HSD17B12: variants seen among roughly 807,000 people sequenced by gnomAD.
The protein encoded by HSD17B12 is very-long-chain 3-oxoacyl-CoA reductase.
Under a neutral mutation model 39.3 loss-of-function variants are expected in HSD17B12, and 32 were observed. The observed-to-expected ratio is 0.81, with a 90% CI of 0.61 to 1.09. The LOEUF is 1.09. HSD17B12 is among the 50% of genes least tolerant of loss of function. The probability of loss-of-function intolerance (pLI) is 0.00; values close to 1 mark genes in which losing one functional copy is unlikely to be tolerated. For synonymous variants in HSD17B12, 150 were observed against 146.7 expected, an observed-to-expected ratio of 1.02 and a Z score of -0.16; for missense variants, 342 against 382.9, an observed-to-expected ratio of 0.89 and a Z score of 0.89.
chr11:43,690,381 TATATATA>T (rs1565049621), intron 1 of HSD17B12, among the ~76,000 whole-genome samples: 187 of 13,794 alleles, frequency 0.014, 13 homozygotes, highest in South Asian at 0.034. Flanking sequence ...TATATATATA[TATATATA>T]TATATATATA....
the HSD17B12 span, among the ~76,000 whole-genome samples, chr11:43,581,000 G>A: frequency 2.6e-5 from 4 of 152,096 alleles, no homozygotes; most frequent in African/African-American, 9.7e-5. Flanking sequence ...GGGATTCGGG[G>A]GGAATCCGAA....
chr11:43,715,865 C>T (rs1273105116), intron 1 of HSD17B12, among the ~76,000 whole-genome samples: 1 of 151,898 alleles, frequency 6.6e-6, no homozygotes, highest in Non-Finnish European at 1.5e-5. Context: ...CTAGTGGCTA[C>T]CCTGTTGGAC....
chr11:43,783,560 G>C (rs191189175), intron 3 of HSD17B12, among the ~76,000 whole-genome samples: 1 of 151,864 alleles, frequency 6.6e-6, no homozygotes, highest in African/African-American at 2.4e-5. Context: ...CTATCCCTCT[G>C]CTTGCCACCC....
the HSD17B12 span, among the ~76,000 whole-genome samples, chr11:43,649,622 G>A: frequency 6.6e-6 from 1 of 152,192 alleles, no homozygotes. Context: ...TACCAAAGGT[G>A]GCCACAACTG....
At chr11:43,828,952 A>C (rs1204805516) in intron 6 of HSD17B12, among the ~76,000 whole-genome samples, 1 of 152,264 alleles carries the variant, frequency 6.6e-6, no homozygotes, top group East Asian at 1.9e-4. Context: ...AATTCAATTT[A>C]TTGTGACTTA....
intron 3 of HSD17B12, among the ~76,000 whole-genome samples, chr11:43,798,080 A>C (rs945597524): frequency 1.5e-4 from 23 of 152,340 alleles, no homozygotes; most frequent in African/African-American, 5.3e-4. Context: ...AGAACTGATT[A>C]AGGAACATTC....
At chr11:43,583,302 G>A in the HSD17B12 span, among the ~76,000 whole-genome samples, 18 of 152,232 alleles carry the variant, frequency 1.2e-4, no homozygotes, top group African/African-American at 4.3e-4. Flanking sequence ...AGGAGCAACG[G>A]CCGAACCCGG....
chr11:43,736,108 A>G (rs967905681), intron 1 of HSD17B12, among the ~76,000 whole-genome samples: 1 of 152,222 alleles, frequency 6.6e-6, no homozygotes, highest in African/African-American at 2.4e-5. Flanking sequence ...TTTAAAGAGG[A>G]TGTGGCATTA....
chr11:43,576,234 G>A, the HSD17B12 span, among the ~76,000 whole-genome samples: 2 of 152,180 alleles, frequency 1.3e-5, no homozygotes, highest in Non-Finnish European at 2.9e-5. Flanking sequence ...GTATTTTTCT[G>A]ATTTGAAAAA....
chr11:43,669,881 A>G, the HSD17B12 span, among the ~76,000 whole-genome samples: 1 of 152,148 alleles, frequency 6.6e-6, no homozygotes, highest in Non-Finnish European at 1.5e-5. Context: ...ACTTTAACAT[A>G]TCTTTTAGGG....
chr11:43,729,657 G>A (rs766503339), intron 1 of HSD17B12, among the ~76,000 whole-genome samples: 11 of 152,168 alleles, frequency 7.2e-5, no homozygotes, highest in African/African-American at 1.2e-4. Context: ...CTTGAAGGGA[G>A]GAAAGTATGC....
the HSD17B12 span, among the ~76,000 whole-genome samples, chr11:43,623,377 T>C: frequency 6.7e-6 from 1 of 148,372 alleles, no homozygotes; most frequent in African/African-American, 2.4e-5. Context: ...AAGCAAAGCA[T>C]TAAAGGTTTG....
At chr11:43,696,407 T>A (rs890722099) in intron 1 of HSD17B12, among the ~76,000 whole-genome samples, 1 of 152,082 alleles carries the variant, frequency 6.6e-6, no homozygotes, top group African/African-American at 2.4e-5. Flanking sequence ...CCAAGAAACA[T>A]ATGAAAAAAG....
At chr11:43,713,397 C>A (rs991061572) in intron 1 of HSD17B12, among the ~76,000 whole-genome samples, 2 of 151,118 alleles carry the variant, frequency 1.3e-5, no homozygotes, top group African/African-American at 4.9e-5. Flanking sequence ...TTTGTCTTTG[C>A]GATAGTTTGC....
chr11:43,571,712 A>T, the HSD17B12 span, among the ~76,000 whole-genome samples: 2 of 152,210 alleles, frequency 1.3e-5, no homozygotes, highest in African/African-American at 4.8e-5. Context: ...GCAACCAAAA[A>T]AAAAGGGGGA....
chr11:43,801,387 CT>C (rs1329481024), intron 4 of HSD17B12, among the ~76,000 whole-genome samples: 1 of 151,906 alleles, frequency 6.6e-6, no homozygotes, highest in Non-Finnish European at 1.5e-5. Context: ...CGAAGCAAGA[CT>C]TTGTAAGAGA....
intron 8 of HSD17B12, 35 bp from the exon 9 acceptor site, chr11:43,839,964 T>G: frequency 6.7e-7 from 1 of 1,498,832 alleles, no homozygotes; most frequent in Non-Finnish European, 9.3e-7. Flanking sequence ...TGATGTAATG[T>G]GTGTGTTTTC....
At chr11:43,786,180 G>A (rs907726709) in intron 3 of HSD17B12, among the ~76,000 whole-genome samples, 3 of 152,092 alleles carry the variant, frequency 2.0e-5, no homozygotes, top group Non-Finnish European at 4.4e-5. Context: ...GAAAAAAGGG[G>A]CTAATTCAAC....
In HSD17B12 at chr11:43,787,879, T is replaced by A. The variant is rs187691222; in HGVS notation, c.284-10441T>A. Among the ~76,000 whole-genome samples, 73 of 152,302 alleles carry A rather than the reference T, an allele frequency of 4.8e-4. 1 individual carries two copies. The highest frequency in any genetic ancestry group is 7.4e-4 in the Non-Finnish European group (50 of 68,024). ...AATCAACTGTTAAGCTTCTTTTTTCTAACTACCAAAGTGGGAGATCCAGAC... is the reference window on the plus strand; with the variant it reads ...AATCAACTGTTAAGCTTCTTTTTTCAAACTACCAAAGTGGGAGATCCAGAC... On this transcript the variant is annotated intron_variant, in intron 3 of 10. Transcript: ENST00000278353.
Sources: gnomAD v4.1 joint callset for allele counts (sites outside exome capture counted in the v4.1 genomes callset) on GRCh38, gnomAD v4.1.1 for gene constraint, MANE v1.5 for transcripts, NCBI Gene and HGNC (gene_info 2026-07-23, HGNC 2026-07-21) for gene names.